The following AKAP6 variants were observed in gnomAD, a reference collection of about 807,000 sequenced individuals.
The protein encoded by AKAP6 is A-kinase anchoring protein 6, also known as A-kinase anchor protein 6.
In AKAP6, 58 loss-of-function variants were observed where a neutral mutation model predicts 188.5. That is an observed-to-expected ratio of 0.31 (90% CI 0.25 to 0.38). AKAP6 has a LOEUF of 0.38. Ranked by LOEUF, AKAP6 falls within the 10% of genes least tolerant of loss-of-function variation. The pLI is 1.00. For synonymous variants in AKAP6, 989 were observed against 998.6 expected (o/e 0.99, Z 0.18); for missense variants, 2,710 against 2,740.0 (o/e 0.99, Z 0.24).
intron 7 of AKAP6, among the ~76,000 whole-genome samples, chr14:32,652,000 A>T (rs1305657197): frequency 1.3e-5 from 2 of 151,850 alleles, no homozygotes; most frequent in African/African-American, 4.8e-5. Flanking sequence ...TTCCCTTAGG[A>T]ATCTTATCAT....
chr14:32,372,402 A>T (rs1197193672), intron 1 of AKAP6, among the ~76,000 whole-genome samples: 1 of 152,078 alleles, frequency 6.6e-6, no homozygotes, highest in East Asian at 1.9e-4. Flanking sequence ...GTTTAGTGAA[A>T]CTTGGACCAG....
chr14:32,698,705 A>C (rs964469701), intron 9 of AKAP6, among the ~76,000 whole-genome samples: 3 of 152,172 alleles, frequency 2.0e-5, no homozygotes, highest in Non-Finnish European at 4.4e-5. Flanking sequence ...CTTATATAAC[A>C]ACAAGGAAAA....
At chr14:32,499,796 A>G (rs543199686) in intron 2 of AKAP6, among the ~76,000 whole-genome samples, 7 of 152,042 alleles carry the variant, frequency 4.6e-5, no homozygotes, top group African/African-American at 1.7e-4. Context: ...ACTTAAAAAG[A>G]GAGCGAGATT....
At chr14:32,336,077 G>A (rs1308600595) in intron 1 of AKAP6, among the ~76,000 whole-genome samples, 1 of 151,816 alleles carries the variant, frequency 6.6e-6, no homozygotes, top group African/African-American at 2.4e-5. Flanking sequence ...ACCAACTCCT[G>A]GACCTTATGG....
At chr14:32,381,487 T>C (rs188535081) in intron 1 of AKAP6, among the ~76,000 whole-genome samples, 2 of 152,292 alleles carry the variant, frequency 1.3e-5, no homozygotes, top group East Asian at 3.9e-4. Context: ...ATTTAAAAAC[T>C]AACTGAGAGC....
At position 32,724,990 on chromosome 14, in the gene AKAP6, T is replaced by TAAAAAAAAAAAAAAAAAAAAAAAAAAA. The variant is rs71432079; in HGVS notation, c.3001-7463_3001-7437dup. Among the ~76,000 whole-genome samples, 4 of 34,914 alleles carry TAAAAAAAAAAAAAAAAAAAAAAAAAAA rather than the reference T, an allele frequency of 1.1e-4. 1 individual carries two copies. The highest frequency in any genetic ancestry group is 2.5e-4 in the African/African-American group (2 of 7,954). 22.9% of individuals were successfully genotyped at this position (34,914 alleles called of 152,430 possible). A position where few individuals can be genotyped will look rare whatever the true frequency, so the allele number is the denominator to read the frequency against. On this transcript the variant is annotated intron_variant, in intron 9 of 13. Coordinates refer to ENST00000280979, the MANE Select transcript of AKAP6 (RefSeq NM_004274.5). ...GGCTTTGTGTCATTTATATTCAACC[T>TAAAAAAAAAAAAAAAAAAAAAAAAAAA]AAAAAAAAAAAAAAAAAAAAAAAAA...
chr14:32,675,749 C>T (rs1374968499), intron 7 of AKAP6, among the ~76,000 whole-genome samples: 1 of 152,176 alleles, frequency 6.6e-6, no homozygotes, highest in Non-Finnish European at 1.5e-5. Context: ...AGATATTATG[C>T]AGTAAAAGTC....
chr14:32,769,037 A>ATATTTT (rs2032806521), intron 11 of AKAP6, among the ~76,000 whole-genome samples: 1 of 56,926 alleles, frequency 1.8e-5, no homozygotes, highest in African/African-American at 7.1e-5. Context: ...TGCTCTTTTG[A>ATATTTT]TTTTTTTTTT....
At chr14:32,510,451 C>CATATATATGTGTATATATATATACAT (rs1881182577) in intron 2 of AKAP6, among the ~76,000 whole-genome samples, 2 of 35,826 alleles carry the variant, frequency 5.6e-5, no homozygotes, top group East Asian at 1.9e-3. Context: ...TATATATATA[C>CATATATATGTGTATATATATATACAT]ATATATATGT....
intron 1 of AKAP6, among the ~76,000 whole-genome samples, chr14:32,389,443 G>C (rs1053436389): frequency 6.6e-6 from 1 of 151,950 alleles, no homozygotes; most frequent in African/African-American, 2.4e-5. Flanking sequence ...TATAGGTCCT[G>C]TGAGATTTAT....
intron 2 of AKAP6, among the ~76,000 whole-genome samples, chr14:32,451,375 C>T (rs1354529708): frequency 6.6e-6 from 1 of 152,074 alleles, no homozygotes; most frequent in Non-Finnish European, 1.5e-5. Context: ...ATTTATTTTT[C>T]TTTCTGGCCT....
intron 7 of AKAP6, among the ~76,000 whole-genome samples, chr14:32,608,693 C>G (rs1167015830): frequency 2.0e-5 from 3 of 152,066 alleles, no homozygotes; most frequent in African/African-American, 7.2e-5. Flanking sequence ...CCAAGAATGC[C>G]TAATCTCTGA....
intron 1 of AKAP6, among the ~76,000 whole-genome samples, chr14:32,343,825 C>G (rs531912529): frequency 2.1e-4 from 31 of 148,154 alleles, no homozygotes; most frequent in African/African-American, 7.7e-4. Context: ...CTAGCAGTAT[C>G]TCTGCTTGGC....
At chr14:32,805,107 C>T (rs913991617) in intron 12 of AKAP6, among the ~76,000 whole-genome samples, 3 of 152,112 alleles carry the variant, frequency 2.0e-5, no homozygotes, top group Non-Finnish European at 2.9e-5. Context: ...CCTCAGCTTA[C>T]GAAGATAACA....
At chr14:32,380,444 G>C (rs1221486472) in intron 1 of AKAP6, among the ~76,000 whole-genome samples, 2 of 152,166 alleles carry the variant, frequency 1.3e-5, no homozygotes, top group Non-Finnish European at 2.9e-5. Flanking sequence ...GCCTACCTCA[G>C]ATCAGGTACA....
At chr14:32,757,844 G>T (rs753089496) in intron 11 of AKAP6, among the ~76,000 whole-genome samples, 4 of 152,172 alleles carry the variant, frequency 2.6e-5, no homozygotes, top group Non-Finnish European at 5.9e-5. Flanking sequence ...GTGTTTTCTC[G>T]TGAAGAGAAG....
At chr14:32,334,958 AT>A (rs936438288) in intron 1 of AKAP6, among the ~76,000 whole-genome samples, 4 of 151,446 alleles carry the variant, frequency 2.6e-5, no homozygotes, top group South Asian at 2.1e-4. Context: ...TTATTTTCAG[AT>A]TTTTTTTTGG....
chr14:32,438,427 G>C (rs115138990), intron 2 of AKAP6, among the ~76,000 whole-genome samples: 1 of 152,084 alleles, frequency 6.6e-6, no homozygotes, highest in South Asian at 2.1e-4. Flanking sequence ...TCTGGTCATT[G>C]TGTTGATCCT....
intron 9 of AKAP6, among the ~76,000 whole-genome samples, chr14:32,724,309 T>C (rs2030727407): frequency 6.6e-6 from 1 of 152,178 alleles, no homozygotes; most frequent in South Asian, 2.1e-4. Context: ...CATTAAACAA[T>C]GATCTTTACA....
Sources: allele counts gnomAD v4.1 joint callset (sites outside exome capture counted in the v4.1 genomes callset), GRCh38; gene constraint gnomAD v4.1.1; transcripts MANE v1.5; gene names NCBI Gene and HGNC (gene_info 2026-07-23, HGNC 2026-07-21).